Variants in NCAPD2 observed in about 807,000 individuals in gnomAD.
NCAPD2 encodes non-SMC condensin I complex subunit D2.
In NCAPD2, 100 loss-of-function variants were observed where a neutral mutation model predicts 164.5. The observed-to-expected ratio is 0.61, with a 90% CI of 0.52 to 0.72. The LOEUF is 0.72. Among genes scored for constraint, NCAPD2 ranks in the 30% least tolerant of loss-of-function variants. The pLI, the probability that NCAPD2 is intolerant of heterozygous loss-of-function variation, is 0.00. For synonymous variants in NCAPD2, 585 were observed against 642.6 expected, an observed-to-expected ratio of 0.91 and a Z score of 1.36; for missense variants, 1,560 against 1,749.2, an observed-to-expected ratio of 0.89 and a Z score of 1.93.
At chr12:6,496,408 CT>C (rs1435940693) in intron 2 of NCAPD2, among the ~76,000 whole-genome samples, 2 of 152,076 alleles carry the variant, frequency 1.3e-5, no homozygotes, top group Non-Finnish European at 2.9e-5. Context: ...AAGGAATTTT[CT>C]TTTTGTACTT....
At position 6,528,327 on chromosome 12, in the gene NCAPD2, C is replaced by T. The variant is rs768833927; in HGVS notation, c.3298C>T (p.Arg1100Cys). 1.5e-5 allele frequency: 24 copies of T among 1,613,416 alleles called. No individual in the cohort carries two copies. In the East Asian group the frequency reaches 2.7e-4, roughly 18 times the overall value. The change falls in exon 25 of 32, where the codon CGT becomes TGT. Residue 1100 changes from arginine (R) to cysteine (C), a missense_variant and splice_region_variant. Transcript: ENST00000315579. This position sits in a 1 kb window ranked among gnomAD's most constrained non-coding sequence, Gnocchi z 5.1. ...VDPWTPHLYA[R>C]LRDPAQQVRK... Reference sequence around the variant, plus strand: ...CCCCTGGACTCCTCATCTGTATGCTCGGTAAGAGACCCCTCACAACGTGGT... The same window carrying T: ...CCCCTGGACTCCTCATCTGTATGCTTGGTAAGAGACCCCTCACAACGTGGT...
Position 6,514,259 on chromosome 12 carries a change from T to C in NCAPD2, c.588-6T>C, listed in dbSNP as rs776727378. 4 of 1,614,042 alleles carry C rather than the reference T, an allele frequency of 2.5e-6. No homozygotes were observed. The highest frequency in any genetic ancestry group is 3.4e-6 in the Non-Finnish European group (4 of 1,180,034). On this transcript the variant is annotated splice_polypyrimidine_tract_variant and splice_region_variant and intron_variant, in intron 6 of 31. Coordinates refer to ENST00000315579, the MANE Select transcript of NCAPD2 (RefSeq NM_014865.4). Reference sequence around the variant, plus strand: ...CTTTCATCATCTCAAACTCTTCCTTTCTCAGTTTGGTTACTGGCTGTTGCT... The same window carrying C: ...CTTTCATCATCTCAAACTCTTCCTTCCTCAGTTTGGTTACTGGCTGTTGCT...
chr12:6,494,574 A>G (rs1353735186), intron 1 of NCAPD2, among the ~76,000 whole-genome samples: 1 of 152,248 alleles, frequency 6.6e-6, no homozygotes, highest in Non-Finnish European at 1.5e-5. Flanking sequence ...CAGGAAGCCC[A>G]CTAGCCCATG....
At chr12:6,515,989 T>G (rs1394209264) in intron 9 of NCAPD2, among the ~76,000 whole-genome samples, 2 of 151,008 alleles carry the variant, frequency 1.3e-5, no homozygotes, top group Non-Finnish European at 3.0e-5. Context: ...GTCAAGAGTT[T>G]AAGACTAGCC....
At chr12:6,501,598 T>A (rs896519485) in intron 2 of NCAPD2, among the ~76,000 whole-genome samples, 3 of 152,160 alleles carry the variant, frequency 2.0e-5, no homozygotes, top group African/African-American at 4.8e-5. Flanking sequence ...AGTGCAGAGT[T>A]CAAGGGAGAG....
At chr12:6,503,764 C>T (rs1946062197) in intron 2 of NCAPD2, among the ~76,000 whole-genome samples, 1 of 134,016 alleles carries the variant, frequency 7.5e-6, no homozygotes, top group African/African-American at 2.9e-5. Flanking sequence ...GAGCGAGACT[C>T]CATCTATTTT....
chr12:6,530,032 T>C (rs1291155131), intron 29 of NCAPD2, 74 bp downstream of exon 29: 1 of 1,506,980 alleles, frequency 6.6e-7, no homozygotes, highest in Non-Finnish European at 9.0e-7. Context: ...CTGGGCAGCA[T>C]ACGGCTCTTG....
intron 5 of NCAPD2, 114 bp downstream of exon 5, chr12:6,510,924 G>A: frequency 7.2e-7 from 1 of 1,393,370 alleles, no homozygotes; most frequent in South Asian, 1.4e-5. Flanking sequence ...TGAGAATTTA[G>A]GAGAAAGAAC....
chr12:6,496,430 A>G (rs1169118151), intron 2 of NCAPD2, among the ~76,000 whole-genome samples: 1 of 151,838 alleles, frequency 6.6e-6, no homozygotes, highest in Non-Finnish European at 1.5e-5. Context: ...TTTATTCTTT[A>G]TTTTATTTTG....
intron 9 of NCAPD2, among the ~76,000 whole-genome samples, chr12:6,515,541 C>T (rs1946190941): frequency 6.6e-6 from 1 of 152,154 alleles, no homozygotes; most frequent in African/African-American, 2.4e-5. Context: ...CACCAGCTGG[C>T]TTGCCTTGCT....
rs201272617 is a variant in NCAPD2, at chr12:6,517,413, C to T, written c.1234C>T (p.Arg412Cys). 34 of 1,614,226 alleles carry T rather than the reference C, an allele frequency of 2.1e-5. No individual in the cohort carries two copies. In the East Asian group the frequency reaches 6.0e-4, roughly 29 times the overall value. ...GGCAGTGGTGGCTTTAGCTGTGGGA[C>T]GTCTGGCAGACAAGTCAGTGCTAGT... is the stretch of plus-strand genomic sequence containing the variant. ...FQAVVALAVG[R>C]LADKSVLVCK... Residue 412 changes from arginine (R) to cysteine (C), a missense_variant, in exon 11 of 32, where the codon CGT becomes TGT. Coordinates refer to ENST00000315579, the MANE Select transcript of NCAPD2 (RefSeq NM_014865.4).
intron 6 of NCAPD2, among the ~76,000 whole-genome samples, chr12:6,513,327 G>A (rs1469243671): frequency 3.9e-5 from 6 of 152,140 alleles, no homozygotes; most frequent in African/African-American, 1.4e-4. Flanking sequence ...GATCACTTGA[G>A]CCCAGGAGTT....
chr12:6,505,460 C>T (rs1016407713), intron 2 of NCAPD2, among the ~76,000 whole-genome samples: 5 of 152,142 alleles, frequency 3.3e-5, no homozygotes, highest in African/African-American at 1.2e-4. Flanking sequence ...TTTGAGCTCA[C>T]CATAGTATCG....
chr12:6,530,045 G>C, intron 29 of NCAPD2, 87 bp downstream of exon 29: 1 of 1,439,210 alleles, frequency 6.9e-7, no homozygotes, highest in Non-Finnish European at 9.4e-7. Flanking sequence ...GGCTCTTGCA[G>C]TCACCTTCCC....
chr12:6,523,877 T>A (rs1946291216), intron 17 of NCAPD2, among the ~76,000 whole-genome samples: 1 of 152,202 alleles, frequency 6.6e-6, no homozygotes, highest in South Asian at 2.1e-4. Context: ...CAGAATGAGT[T>A]GTACGGGTAA....
At chr12:6,523,745 C>T (rs1036254238) in intron 17 of NCAPD2, among the ~76,000 whole-genome samples, 5 of 152,184 alleles carry the variant, frequency 3.3e-5, no homozygotes, top group Admixed American at 1.3e-4. Context: ...TACTTAGCTC[C>T]AGAAAGAAGT....
At chr12:6,529,125 C>A in intron 27 of NCAPD2, 86 bp downstream of exon 27, 1 of 1,253,352 alleles carries the variant, frequency 8.0e-7, no homozygotes, top group South Asian at 1.3e-5. Context: ...TCCACCTCGG[C>A]TACTCTTTAG....
chr12:6,495,343 G>GT, intron 2 of NCAPD2, 118 bp downstream of exon 2: 1 of 1,312,542 alleles, frequency 7.6e-7, no homozygotes, highest in Non-Finnish European at 1.0e-6. Flanking sequence ...CAAGAAACAT[G>GT]TTTTTCCTAT....
intron 15 of NCAPD2, 133 bp from the exon 16 acceptor site, chr12:6,522,695 G>A (rs892931106): frequency 8.6e-6 from 8 of 928,850 alleles, no homozygotes; most frequent in Non-Finnish European, 1.2e-5. Flanking sequence ...AGGCATCATA[G>A]GAGGAGTCGA....
Sources: allele counts gnomAD v4.1 joint callset (sites outside exome capture counted in the v4.1 genomes callset), GRCh38; gene constraint gnomAD v4.1.1; non-coding constraint Gnocchi (gnomAD v3.1); transcripts MANE v1.5; gene names NCBI Gene and HGNC (gene_info 2026-07-23, HGNC 2026-07-21).